The following RNF216 variants were observed in gnomAD, a reference collection of about 807,000 sequenced individuals.
RNF216 encodes the protein E3 ubiquitin-protein ligase RNF216.
A neutral mutation model predicts 110.8 loss-of-function variants in RNF216; 72 were observed. The ratio of observed to expected loss-of-function variants is 0.65; its 90% CI spans 0.54 to 0.79. The LOEUF is 0.79. Ranked by LOEUF, RNF216 falls within the 30% of genes least tolerant of loss-of-function variation. The pLI is 0.00. For synonymous variants in RNF216, 495 were observed against 407.5 expected (o/e 1.21, Z -2.59); for missense variants, 1,342 against 1,141.2 (o/e 1.18, Z -2.54).
chr7:5,660,448 C>T (rs1789041760), intron 13 of RNF216, among the ~76,000 whole-genome samples: 1 of 151,180 alleles, frequency 6.6e-6, no homozygotes, highest in South Asian at 2.1e-4. Context: ...CCCGCGACCA[C>T]ACCTGGCTAA....
chr7:5,647,695 C>A (rs1273738367), intron 14 of RNF216, among the ~76,000 whole-genome samples: 1 of 152,200 alleles, frequency 6.6e-6, no homozygotes, highest in African/African-American at 2.4e-5. Flanking sequence ...ATCACCCAAG[C>A]TAGAAGCCTG....
Position 5,641,272 on chromosome 7 carries a change from T to C in RNF216, c.2264A>G (p.Gln755Arg). ...CNRMSCRCGA[Q>R]MCYLCRVSIN... ...AGAAACTCGACAGAGGTAGCACATC[T>C]GGGCACCACAGCGGCAAGACATGCG... Residue 755 changes from glutamine (Q) to arginine (R), a missense_variant, in exon 15 of 17, where the codon CAG (glutamine) becomes CGG (arginine). Gln to Arg is a conservative substitution (Grantham distance 43). Transcript: ENST00000389902. 1 of 1,614,178 alleles carries C rather than the reference T, an allele frequency of 6.2e-7. No individual in the cohort carries two copies. Among genetic ancestry groups the C allele is most frequent in the Non-Finnish European group, 8.5e-7 (1 of 1,180,032 alleles).
chr7:5,759,213 C>G (rs74570281), intron 2 of RNF216, among the ~76,000 whole-genome samples: 4 of 152,136 alleles, frequency 2.6e-5, no homozygotes, highest in African/African-American at 4.8e-5. Context: ...AGGCCTCCCC[C>G]AGAAGCAGAG....
Position 5,721,106 on chromosome 7 carries a change from T to C in RNF216, c.1571A>G (p.Asp524Gly), listed in dbSNP as rs1278531721. The C allele has an allele frequency of 1.2e-6, 2 of 1,614,030 alleles. No homozygotes were observed. Among genetic ancestry groups the C allele is most frequent in the Admixed American group, 1.7e-5 (1 of 60,022 alleles). ...ENKRRHCRSY[D>G]RRALLPAVQQ... is the part of the protein sequence containing the mutation. ...CACAGCTGGAAGGAGAGCACGTCGG[T>C]CATAGGACCTACAATGTCGTCGCTT... Residue 524 changes from aspartate to glycine, a missense_variant, in exon 9 of 17, where the codon GAC (aspartate) becomes GGC (glycine). Transcript: ENST00000389902.
chr7:5,652,467 C>T lies in RNF216; in HGVS notation c.2105G>A (p.Gly702Asp), dbSNP rs1318602597. ...KCQGLWKEHN[G>D]LTCEELAEKD... The stretch of plus-strand genomic sequence containing the variant: ...TTCAGCCAGCTCTTCACAGGTGAGG[C>T]CATTATGTTCTTTCCAGAGTCCCTG... Residue 702 changes from glycine to aspartate, a missense_variant, in exon 14 of 17, where the codon GGC becomes GAC. By Grantham distance (94) the Gly-to-Asp change is moderately conservative (BLOSUM62 -1). Transcript: ENST00000389902. The T allele has an allele frequency of 6.2e-6, 10 of 1,613,922 alleles. No individual in the cohort carries two copies. The highest frequency in any genetic ancestry group is 8.5e-6 in the Non-Finnish European group (10 of 1,179,870).
intron 7 of RNF216, among the ~76,000 whole-genome samples, chr7:5,729,176 C>T (rs955192079): frequency 5.3e-5 from 8 of 152,204 alleles, no homozygotes; most frequent in African/African-American, 1.9e-4. Context: ...TTTCACACTC[C>T]TGCATTCCAC....
In RNF216 at chr7:5,620,086, T is replaced by TA. The variant is rs1786259176; in HGVS notation, c.*2773dup. The TA allele has an allele frequency of 6.6e-6, 1 of 152,262 alleles. No individual in the cohort carries two copies. The highest frequency in any genetic ancestry group is 1.5e-5 in the Non-Finnish European group (1 of 68,054). The allele number at this position is 152,262 out of a possible 1,614,324, so 9.4% of individuals were successfully genotyped here. ...AACATTTATTTACAAAAGTCCCAGTTACATATGATACAGGCTTTTTACACA... is the reference window on the plus strand; with the variant it reads ...AACATTTATTTACAAAAGTCCCAGTTAACATATGATACAGGCTTTTTACACA... On this transcript the variant is annotated 3_prime_UTR_variant, in exon 17 of 17. Transcript: ENST00000389902.
chr7:5,637,018 C>T (rs964551065), intron 15 of RNF216, among the ~76,000 whole-genome samples: 2 of 152,174 alleles, frequency 1.3e-5, no homozygotes, highest in Admixed American at 6.5e-5. Flanking sequence ...CCCACCCTCA[C>T]GCTAACTCCC....
At chr7:5,627,051 C>T (rs900546951) in intron 15 of RNF216, among the ~76,000 whole-genome samples, 3 of 152,176 alleles carry the variant, frequency 2.0e-5, no homozygotes, top group African/African-American at 4.8e-5. Context: ...CGCATCTCCT[C>T]GATGCAGTTA....
Position 5,730,800 on chromosome 7 carries a change from A to C in RNF216, c.1139T>G (p.Leu380Arg). Residue 380 changes from leucine (L) to arginine (R), a missense_variant, in exon 6 of 17, where the codon CTG becomes CGG. By Grantham distance (102) the Leu-to-Arg change is moderately radical (BLOSUM62 -2). Transcript: ENST00000389902. ...TCTCTTTGGATAATCTGGGTTTTCC[A>C]GAAGAAAATTACAAAGTCTGCAGAA... ...YDLNVLCNFL[L>R]ENPDYPKRED... 2 of 1,595,970 alleles carry C rather than the reference A, an allele frequency of 1.3e-6. No homozygotes were observed. The highest frequency in any genetic ancestry group is 1.7e-6 in the Non-Finnish European group (2 of 1,169,818).
intron 15 of RNF216, among the ~76,000 whole-genome samples, chr7:5,633,699 C>G (rs1470785611): frequency 6.6e-6 from 1 of 152,184 alleles, no homozygotes; most frequent in Admixed American, 6.5e-5. Flanking sequence ...AGAACTCAGC[C>G]TGACACAGAA....
intron 15 of RNF216, among the ~76,000 whole-genome samples, chr7:5,638,629 AAGC>A (rs1787546079): frequency 1.4e-5 from 2 of 140,694 alleles, no homozygotes; most frequent in African/African-American, 5.4e-5. Flanking sequence ...GTAGAAAAGC[AAGC>A]ATTTTTTTTT....
At chr7:5,686,616 T>C (rs1791003221) in intron 13 of RNF216, among the ~76,000 whole-genome samples, 1 of 152,222 alleles carries the variant, frequency 6.6e-6, no homozygotes, top group Non-Finnish European at 1.5e-5. Flanking sequence ...GAACTGCACT[T>C]GTCAACTATT....
chr7:5,711,734 C>T, intron 13 of RNF216, 27 bp downstream of exon 13: 1 of 1,588,822 alleles, frequency 6.3e-7, no homozygotes, highest in East Asian at 2.2e-5. Context: ...ATTCAATATA[C>T]ATCTAGAAAA....
intron 13 of RNF216, among the ~76,000 whole-genome samples, chr7:5,693,725 A>C (rs982988671): frequency 6.6e-6 from 1 of 152,148 alleles, no homozygotes; most frequent in African/African-American, 2.4e-5. Context: ...GTTGTTCTAA[A>C]GTTAGGCAAG....
intron 13 of RNF216, among the ~76,000 whole-genome samples, chr7:5,693,011 C>G (rs746915378): frequency 6.6e-6 from 1 of 152,214 alleles, no homozygotes; most frequent in African/African-American, 2.4e-5. Flanking sequence ...GGGCATATTG[C>G]ACCCATTGTT....
intron 9 of RNF216, among the ~76,000 whole-genome samples, chr7:5,717,215 T>C (rs1793120418): frequency 2.6e-5 from 4 of 152,144 alleles, no homozygotes; most frequent in South Asian, 2.1e-4. Context: ...TAGCTGGGCA[T>C]GGTGGCGTGC....
rs149152152 is a variant in RNF216, at chr7:5,632,620, T to C, written c.2383-8495A>G. On this transcript the variant is annotated intron_variant, in intron 15 of 16. Transcript: ENST00000389902. ...GGCGAAACCCCATCTCTACTAAAAA[T>C]ACAAAAATTAGCCAGGCGTGGTGGT... 2.9e-3 allele frequency among the ~76,000 whole-genome samples: 442 copies of C among 152,142 alleles called. 1 individual carries two copies. The highest frequency in any genetic ancestry group is 0.01 in the African/African-American group (416 of 41,550).
intron 5 of RNF216, among the ~76,000 whole-genome samples, chr7:5,737,918 T>C (rs553065659): frequency 1.3e-5 from 2 of 152,008 alleles, no homozygotes; most frequent in East Asian, 3.9e-4. Context: ...TGAAACCCTG[T>C]CTCTACTAAA....
Sources: allele counts gnomAD v4.1 joint callset (sites outside exome capture counted in the v4.1 genomes callset), GRCh38; gene constraint gnomAD v4.1.1; transcripts MANE v1.5; gene names NCBI Gene and HGNC (gene_info 2026-07-23, HGNC 2026-07-21).